SLC25A30: variants seen among roughly 807,000 people sequenced by gnomAD.
SLC25A30 encodes solute carrier family 25 member 30.
SLC25A30 carries 29 observed loss-of-function variants against 42.7 expected under a neutral mutation model. That is an observed-to-expected ratio of 0.68 (90% CI 0.51 to 0.93). The LOEUF is 0.93. Among genes scored for constraint, SLC25A30 ranks in the 40% least tolerant of loss-of-function variants. SLC25A30 has a pLI of 0.00. For synonymous variants in SLC25A30, 124 were observed against 131.0 expected (o/e 0.95, Z 0.37); for missense variants, 300 against 359.7 (o/e 0.83, Z 1.34).
chr13:45,402,059 CAAAAAAA>C (rs66565783), intron 6 of SLC25A30, among the ~76,000 whole-genome samples: 4 of 83,912 alleles, frequency 4.8e-5, no homozygotes, highest in Non-Finnish European at 4.8e-5. Context: ...GACTCCATCT[CAAAAAAA>C]AAAAAAAAAA....
the SLC25A30 span, among the ~76,000 whole-genome samples, chr13:45,428,714 G>A: frequency 6.6e-6 from 1 of 150,638 alleles, no homozygotes; most frequent in Middle Eastern, 3.4e-3. Flanking sequence ...GTAGAGACAG[G>A]GTTTCACCAT....
upstream of SLC25A30, among the ~76,000 whole-genome samples, chr13:45,423,432 CA>C (rs1190140364): frequency 8.5e-4 from 122 of 144,054 alleles, no homozygotes; most frequent in African/African-American, 3.1e-3. Flanking sequence ...TTTTTATGCC[CA>C]AGGGTTAGCA....
chr13:45,423,795 T>A, the SLC25A30 span, among the ~76,000 whole-genome samples: 5 of 64,368 alleles, frequency 7.8e-5, no homozygotes, highest in African/African-American at 3.2e-4. Flanking sequence ...AATATATAAA[T>A]ATATATTTAT....
At chr13:45,426,433 A>G in the SLC25A30 span, among the ~76,000 whole-genome samples, 6 of 152,184 alleles carry the variant, frequency 3.9e-5, no homozygotes, top group Admixed American at 3.9e-4. Context: ...TTATGTAAGT[A>G]TCTACATAAT....
the SLC25A30 span, among the ~76,000 whole-genome samples, chr13:45,426,098 A>AT: frequency 6.7e-6 from 1 of 148,846 alleles, no homozygotes; most frequent in African/African-American, 2.5e-5. Flanking sequence ...AAATGTATAT[A>AT]TTTTTTTGAG....
At chr13:45,424,875 A>AATATATATTTAAAT in the SLC25A30 span, among the ~76,000 whole-genome samples, 1 of 46,986 alleles carries the variant, frequency 2.1e-5, no homozygotes, top group African/African-American at 1.2e-4. Context: ...AATATATATA[A>AATATATATTTAAAT]ATATATAAAT....
chr13:45,403,723 G>C (rs1184213661), intron 5 of SLC25A30, among the ~76,000 whole-genome samples: 3 of 151,936 alleles, frequency 2.0e-5, no homozygotes, highest in Non-Finnish European at 4.4e-5. Flanking sequence ...GGATCATGAG[G>C]TCAGGAGTTC....
intron 1 of SLC25A30, among the ~76,000 whole-genome samples, chr13:45,417,367 T>C (rs557012707): frequency 1.3e-5 from 2 of 152,226 alleles, no homozygotes; most frequent in Non-Finnish European, 2.9e-5. Flanking sequence ...GTTCCCTTTT[T>C]AGTCTTAAGT....
chr13:45,397,236 C>G (rs1881432910), intron 9 of SLC25A30, 22 bp downstream of exon 9: 1 of 1,496,566 alleles, frequency 6.7e-7, no homozygotes, highest in South Asian at 1.2e-5. Context: ...TTTTTCAGAT[C>G]TATTGCAACA....
At chr13:45,406,050 A>C in intron 3 of SLC25A30, 73 bp from the exon 4 acceptor site, 3 of 1,354,834 alleles carry the variant, frequency 2.2e-6, no homozygotes, top group African/African-American at 1.4e-5. Flanking sequence ...ACCCACATGC[A>C]GAGTGCCATC....
the SLC25A30 span, among the ~76,000 whole-genome samples, chr13:45,423,678 T>TA: frequency 3.0e-4 from 6 of 19,674 alleles, no homozygotes; most frequent in African/African-American, 2.7e-3. Flanking sequence ...AAATACATAT[T>TA]TATATAAATA....
intron 1 of SLC25A30, among the ~76,000 whole-genome samples, chr13:45,415,601 A>C (rs1883444754): frequency 6.6e-6 from 1 of 151,678 alleles, no homozygotes; most frequent in Non-Finnish European, 1.5e-5. Context: ...AAATACAAAA[A>C]TTAGCTGGGC....
chr13:45,397,361 T>C (rs1257241567), intron 8 of SLC25A30, 23 bp from the exon 9 acceptor site: 1 of 1,536,754 alleles, frequency 6.5e-7, no homozygotes, highest in South Asian at 1.1e-5. Flanking sequence ...GAAAAAAAAG[T>C]TAACTTCCAA....
the SLC25A30 span, among the ~76,000 whole-genome samples, chr13:45,425,286 GTACGTATATA>G: frequency 1.0e-5 from 1 of 97,394 alleles, no homozygotes; most frequent in East Asian, 2.6e-4. Flanking sequence ...ATAAATATAT[GTACGTATATA>G]TACGTATATA....
intron 5 of SLC25A30, among the ~76,000 whole-genome samples, chr13:45,403,743 C>T (rs893312110): frequency 4.4e-4 from 67 of 151,914 alleles, no homozygotes; most frequent in Non-Finnish European, 8.4e-4. Flanking sequence ...CAAGACCAGC[C>T]TGGCCAAGAT....
intron 3 of SLC25A30, 40 bp downstream of exon 3, chr13:45,408,887 C>G (rs1038983484): frequency 7.0e-6 from 11 of 1,565,712 alleles, no homozygotes; most frequent in Non-Finnish European, 9.5e-6. Flanking sequence ...CCATGTGAAA[C>G]AGTGAACAGT....
At chr13:45,426,167 A>G in the SLC25A30 span, among the ~76,000 whole-genome samples, 1 of 150,830 alleles carries the variant, frequency 6.6e-6, no homozygotes, top group Non-Finnish European at 1.5e-5. Flanking sequence ...GCTCACTGCA[A>G]CCTCCGCCTC....
chr13:45,397,397 A>G (rs924443203), intron 8 of SLC25A30, 59 bp from the exon 9 acceptor site: 1 of 1,289,050 alleles, frequency 7.8e-7, no homozygotes, highest in Non-Finnish European at 1.1e-6. Flanking sequence ...AAATGCATTA[A>G]TAATTAGTGG....
chr13:45,397,189 TGA>T (rs1881426666), intron 9 of SLC25A30, 67 bp downstream of exon 9: 5 of 1,034,462 alleles, frequency 4.8e-6, no homozygotes, highest in East Asian at 2.4e-5. Context: ...ATTAATAACA[TGA>T]GAGTTTATAC....
Sources: gnomAD v4.1 joint callset for allele counts (sites outside exome capture counted in the v4.1 genomes callset) on GRCh38, gnomAD v4.1.1 for gene constraint, MANE v1.5 for transcripts, NCBI Gene and HGNC (gene_info 2026-07-23, HGNC 2026-07-21) for gene names.